UNC5B: variants seen among roughly 807,000 people sequenced by gnomAD.
The protein encoded by UNC5B is netrin receptor UNC5B.
UNC5B carries 56 observed loss-of-function variants against 103.7 expected under a neutral mutation model. The ratio of observed to expected loss-of-function variants is 0.54; its 90% CI spans 0.44 to 0.67. The LOEUF (loss-of-function observed/expected upper bound fraction) is 0.67, where lower values mean the gene tolerates loss of function less well. Among genes scored for constraint, UNC5B ranks in the 30% least tolerant of loss-of-function variants. The pLI is 0.00. For missense variants in UNC5B, 1,194 were observed against 1,284.5 expected (o/e 0.93, Z 1.08); for synonymous variants, 577 against 542.0 (o/e 1.06, Z -0.90).
intron 15 of UNC5B, 138 bp from the exon 16 acceptor site, chr10:71,297,771 C>T (rs1267130518): frequency 1.0e-6 from 1 of 985,540 alleles, no homozygotes; most frequent in Non-Finnish European, 1.4e-6. Flanking sequence ...GGAGAAGCCC[C>T]TGCCTGAACA....
intron 1 of UNC5B, among the ~76,000 whole-genome samples, chr10:71,247,441 G>A (rs1212034938): frequency 6.6e-6 from 1 of 152,236 alleles, no homozygotes; most frequent in African/African-American, 2.4e-5. Flanking sequence ...TGGCTAACAT[G>A]CGGAGAGGAG....
intron 1 of UNC5B, among the ~76,000 whole-genome samples, chr10:71,254,075 C>T (rs139380873): frequency 1.8e-4 from 28 of 152,334 alleles, no homozygotes; most frequent in African/African-American, 6.7e-4. Context: ...CTCAACGTCA[C>T]ATCAAGTCAG....
intron 1 of UNC5B, among the ~76,000 whole-genome samples, chr10:71,247,682 T>A (rs1437392703): frequency 1.3e-5 from 2 of 152,118 alleles, no homozygotes; most frequent in Non-Finnish European, 2.9e-5. Flanking sequence ...AGCATGGATG[T>A]GAGCGAGCCA....
chr10:71,257,874 C>G (rs1019203275), intron 1 of UNC5B, among the ~76,000 whole-genome samples: 6 of 152,230 alleles, frequency 3.9e-5, no homozygotes, highest in Admixed American at 2.0e-4. Flanking sequence ...CACCTAGAAT[C>G]CGTGCTGTGC....
intron 1 of UNC5B, among the ~76,000 whole-genome samples, chr10:71,232,482 C>T (rs757824611): frequency 2.3e-4 from 35 of 152,266 alleles, no homozygotes; most frequent in Non-Finnish European, 2.9e-4. Context: ...CCAGCCCTGG[C>T]AGTGCCATGC....
At chr10:71,238,012 G>A (rs907924093) in intron 1 of UNC5B, among the ~76,000 whole-genome samples, 7 of 152,306 alleles carry the variant, frequency 4.6e-5, no homozygotes, top group South Asian at 4.1e-4. Context: ...AGACAAGGCA[G>A]CTTCCACTGA....
intron 2 of UNC5B, among the ~76,000 whole-genome samples, chr10:71,281,911 C>A (rs553907351): frequency 6.6e-6 from 1 of 152,326 alleles, no homozygotes; most frequent in South Asian, 2.1e-4. Context: ...TTCTCTCAAA[C>A]GGTCCTTACC....
At position 71,291,708 on chromosome 10, in the gene UNC5B, T is replaced by G. The variant is rs1290733313; in HGVS notation, c.1571T>G (p.Leu524Arg). 1 of 1,612,884 alleles carries G rather than the reference T, an allele frequency of 6.2e-7. No individual in the cohort carries two copies. The highest frequency in any genetic ancestry group is 1.7e-5 in the Admixed American group (1 of 60,014). Residue 524 changes from leucine to arginine, a missense_variant, in exon 10 of 17, where the codon CTG becomes CGG. Leu to Arg is a moderately radical substitution (Grantham distance 102). Coordinates refer to ENST00000335350, the MANE Select transcript of UNC5B (RefSeq NM_170744.5). ...GCCCGGGACACCCACTTCCTGCACCTGCGCAGCGCCAGCCTCGGTTCCCAG... is the reference window on the plus strand; with the variant it reads ...GCCCGGGACACCCACTTCCTGCACCGGCGCAGCGCCAGCCTCGGTTCCCAG... ...DFARDTHFLH[L>R]RSASLGSQQL...
intron 1 of UNC5B, among the ~76,000 whole-genome samples, chr10:71,225,101 C>T (rs1843534578): frequency 6.6e-6 from 1 of 152,208 alleles, no homozygotes; most frequent in Non-Finnish European, 1.5e-5. Context: ...AGTCTGGAAT[C>T]TCCAGCTCTA....
At chr10:71,215,317 A>G (rs1323390384) in intron 1 of UNC5B, among the ~76,000 whole-genome samples, 1 of 151,874 alleles carries the variant, frequency 6.6e-6, no homozygotes, top group Admixed American at 6.6e-5. Flanking sequence ...AGCCCAGCAG[A>G]CCCTCCCTCC....
At chr10:71,275,803 C>T (rs971622872) in intron 1 of UNC5B, among the ~76,000 whole-genome samples, 14 of 151,776 alleles carry the variant, frequency 9.2e-5, no homozygotes, top group Admixed American at 7.9e-4. Context: ...GTGGGAGACA[C>T]GGTAATACTA....
Position 71,296,652 on chromosome 10 carries a change from C to T in UNC5B, c.2400C>T (p.Ser800=). Residue 800 remains serine, a synonymous_variant, in exon 15 of 17, where the codon AGC becomes AGT. Coordinates refer to ENST00000335350, the MANE Select transcript of UNC5B (RefSeq NM_170744.5). The stretch of plus-strand genomic sequence containing the variant: ...GCACTTTCACCCTGGAGAGGCACAG[C>T]TTGGCCTCCACAGAGCTCACCTGCA... ...LHCTFTLERH[S]LASTELTCKI... is the part of the protein sequence containing the mutation. 6.2e-7 allele frequency: 1 copy of T among 1,614,096 alleles called. No homozygotes were observed. Among genetic ancestry groups the T allele is most frequent in the Non-Finnish European group, 8.5e-7 (1 of 1,180,032 alleles).
At chr10:71,264,763 G>A (rs761412026) in intron 1 of UNC5B, among the ~76,000 whole-genome samples, 31 of 152,154 alleles carry the variant, frequency 2.0e-4, no homozygotes, top group Non-Finnish European at 4.1e-4. Context: ...TTGGGGGCAG[G>A]AGCCTGGGTT....
chr10:71,262,243 AC>A (rs1463894113), intron 1 of UNC5B, among the ~76,000 whole-genome samples: 1 of 151,876 alleles, frequency 6.6e-6, no homozygotes, highest in African/African-American at 2.4e-5. Context: ...TACGGCTGGC[AC>A]CCGACACCCC....
At chr10:71,288,853 TC>T in intron 7 of UNC5B, 104 bp from the exon 8 acceptor site, 2 of 1,560,132 alleles carry the variant, frequency 1.3e-6, no homozygotes. Flanking sequence ...AGGGCCTCTG[TC>T]CCCCCACCAC....
intron 1 of UNC5B, among the ~76,000 whole-genome samples, chr10:71,241,099 C>T (rs1843887806): frequency 6.6e-6 from 1 of 152,222 alleles, no homozygotes; most frequent in African/African-American, 2.4e-5. Context: ...TCTTCAAAGC[C>T]TCCTTAGGCA....
chr10:71,292,199 A>G (rs1186840638), intron 10 of UNC5B, among the ~76,000 whole-genome samples: 1 of 152,132 alleles, frequency 6.6e-6, no homozygotes, highest in African/African-American at 2.4e-5. Context: ...TCCCAGCATC[A>G]TATACTAAGC....
At chr10:71,252,521 G>A (rs1162938876) in intron 1 of UNC5B, among the ~76,000 whole-genome samples, 9 of 152,150 alleles carry the variant, frequency 5.9e-5, no homozygotes, top group Non-Finnish European at 1.3e-4. Context: ...AAGAAACCTG[G>A]GCTTGGAGAG....
chr10:71,235,796 C>T (rs1050913203), intron 1 of UNC5B, among the ~76,000 whole-genome samples: 3 of 152,256 alleles, frequency 2.0e-5, no homozygotes, highest in Non-Finnish European at 4.4e-5. Flanking sequence ...TGTGGAATTC[C>T]AGCCTTAGAG....
Sources: gnomAD v4.1 joint callset for allele counts (sites outside exome capture counted in the v4.1 genomes callset) on GRCh38, gnomAD v4.1.1 for gene constraint, MANE v1.5 for transcripts, NCBI Gene and HGNC (gene_info 2026-07-23, HGNC 2026-07-21) for gene names.